Variants in TTC6 observed in about 807,000 individuals in gnomAD.
TTC6 encodes tetratricopeptide repeat domain 6, also known as tetratricopeptide repeat protein 6.
Under a neutral mutation model 210.4 loss-of-function variants are expected in TTC6, and 172 were observed. The observed-to-expected ratio is 0.82, with a 90% CI of 0.72 to 0.93. The LOEUF (loss-of-function observed/expected upper bound fraction) is 0.93. TTC6 is among the 40% of genes least tolerant of loss of function. TTC6 has a pLI of 0.00. For synonymous variants in TTC6, 804 were observed against 819.6 expected (o/e 0.98, Z 0.32); for missense variants, 2,414 against 2,318.1 (o/e 1.04, Z -0.85).
At chr14:37,724,457 A>G (rs1160761973) in intron 6 of TTC6, among the ~76,000 whole-genome samples, 5 of 152,108 alleles carry the variant, frequency 3.3e-5, no homozygotes, top group South Asian at 2.1e-4. Context: ...AGTGTGTTTT[A>G]TAGTGTTTAT....
chr14:37,669,722 A>T (rs867692163), intron 1 of TTC6, among the ~76,000 whole-genome samples: 3 of 152,158 alleles, frequency 2.0e-5, no homozygotes, highest in Non-Finnish European at 2.9e-5. Context: ...TGGAGGCAAG[A>T]TTATTTATCT....
chr14:37,833,685 T>C (rs1159384104), intron 29 of TTC6, among the ~76,000 whole-genome samples: 1 of 152,196 alleles, frequency 6.6e-6, no homozygotes, highest in Non-Finnish European at 1.5e-5. Flanking sequence ...TTTTTCTTTC[T>C]TATTGCTTAT....
chr14:37,715,519 A>G (rs1707880803), intron 6 of TTC6, among the ~76,000 whole-genome samples: 1 of 152,180 alleles, frequency 6.6e-6, no homozygotes, highest in Non-Finnish European at 1.5e-5. Flanking sequence ...CTATATTAAT[A>G]TCAGATAAGA....
intron 1 of TTC6, among the ~76,000 whole-genome samples, chr14:37,668,023 T>C (rs912483269): frequency 6.7e-6 from 1 of 149,928 alleles, no homozygotes; most frequent in African/African-American, 2.4e-5. Flanking sequence ...TAGTCCCAGC[T>C]ACTTGGGAGG....
exon 23 of TTC6, chr14:37,807,420 G>C (rs925186353): frequency 2.0e-6 from 3 of 1,529,750 alleles, no homozygotes; most frequent in East Asian, 2.4e-5. Flanking sequence ...GAAAGCGTAC[G>C]TGCCTATCTC....
chr14:37,770,071 G>A (rs1228637063), intron 14 of TTC6, among the ~76,000 whole-genome samples: 20 of 152,088 alleles, frequency 1.3e-4, no homozygotes, highest in African/African-American at 2.2e-4. Flanking sequence ...CCCAGTAGTC[G>A]TTCAGGAGCA....
chr14:37,637,912 A>G (rs1169876874), intron 1 of TTC6, among the ~76,000 whole-genome samples: 1 of 152,238 alleles, frequency 6.6e-6, no homozygotes, highest in Non-Finnish European at 1.5e-5. Flanking sequence ...GCCACTCTGG[A>G]AAACAGTTTG....
intron 1 of TTC6, among the ~76,000 whole-genome samples, chr14:37,660,735 T>C (rs937626074): frequency 5.3e-5 from 8 of 152,230 alleles, no homozygotes; most frequent in African/African-American, 1.4e-4. Context: ...TCAAATGGTA[T>C]TTCTGGTTCT....
chr14:37,752,551 TC>T (rs2139043743), intron 13 of TTC6, among the ~76,000 whole-genome samples: 1 of 151,998 alleles, frequency 6.6e-6, no homozygotes, highest in African/African-American at 2.4e-5. Flanking sequence ...TTTGGTCATC[TC>T]CTTTGTGTTT....
intron 5 of TTC6, among the ~76,000 whole-genome samples, chr14:37,709,118 G>A (rs1448547521): frequency 6.6e-6 from 1 of 151,902 alleles, no homozygotes; most frequent in Non-Finnish European, 1.5e-5. Flanking sequence ...ATTTCTCAAT[G>A]ATCAGGTCTA....
rs150352427 is a variant in TTC6, at chr14:37,686,866, G to T, written c.1257+3902G>T. Among the ~76,000 whole-genome samples the T allele has an allele frequency of 9.5e-3, 1,453 of 152,264 alleles. 34 individuals are homozygous for T. The highest frequency in any genetic ancestry group is 0.033 in the African/African-American group (1,383 of 41,554). ...AGCTACAATTCAAGATGAGATTTGG[G>T]TGGGGACAAAGTCAAACCATATCAG... is the stretch of plus-strand genomic sequence containing the variant. On this transcript the variant is annotated intron_variant, in intron 3 of 30. Transcript: ENST00000553443.
chr14:37,832,329 C>CTCTTTTT (rs1345548923), intron 29 of TTC6, among the ~76,000 whole-genome samples: 4 of 68,908 alleles, frequency 5.8e-5, no homozygotes, highest in African/African-American at 2.2e-4. Flanking sequence ...TTCTTTCTCT[C>CTCTTTTT]TTTTTTTTTT....
intron 10 of TTC6, among the ~76,000 whole-genome samples, chr14:37,741,788 A>C (rs2095920615): frequency 6.6e-6 from 1 of 152,006 alleles, no homozygotes; most frequent in African/African-American, 2.4e-5. Context: ...GAGCCATCTC[A>C]CCCAGATTCA....
intron 29 of TTC6, among the ~76,000 whole-genome samples, chr14:37,838,221 A>G (rs2096202374): frequency 6.6e-6 from 1 of 152,204 alleles, no homozygotes; most frequent in Non-Finnish European, 1.5e-5. Context: ...TCAGCATCTC[A>G]ACTATTTGTG....
At chr14:37,640,985 T>C (rs2095690808) in intron 1 of TTC6, among the ~76,000 whole-genome samples, 1 of 152,214 alleles carries the variant, frequency 6.6e-6, no homozygotes, top group Non-Finnish European at 1.5e-5. Context: ...ACATTGTAGA[T>C]TGTTAGTCTA....
At chr14:37,685,954 C>A (rs989490057) in intron 3 of TTC6, among the ~76,000 whole-genome samples, 2 of 152,076 alleles carry the variant, frequency 1.3e-5, no homozygotes, top group Admixed American at 1.3e-4. Flanking sequence ...TGTTTGAACC[C>A]TTCTAAAAGG....
At chr14:37,771,299 A>G (rs899401440) in intron 14 of TTC6, among the ~76,000 whole-genome samples, 34 of 151,984 alleles carry the variant, frequency 2.2e-4, no homozygotes, top group African/African-American at 5.5e-4. Context: ...TGCTCTTCTC[A>G]AGGAGTATCT....
chr14:37,687,143 G>A (rs2095795578), intron 3 of TTC6, among the ~76,000 whole-genome samples: 1 of 152,248 alleles, frequency 6.6e-6, no homozygotes, highest in Middle Eastern at 3.4e-3. Flanking sequence ...CAGCAGAGGG[G>A]TGGTGCAGAG....
intron 14 of TTC6, among the ~76,000 whole-genome samples, chr14:37,755,479 C>A (rs1325182514): frequency 6.6e-6 from 1 of 152,138 alleles, no homozygotes; most frequent in Non-Finnish European, 1.5e-5. Flanking sequence ...ATGGCATTGC[C>A]TAAGTTTTCT....
Sources: allele counts gnomAD v4.1 joint callset (sites outside exome capture counted in the v4.1 genomes callset), GRCh38; gene constraint gnomAD v4.1.1; transcripts MANE v1.5; gene names NCBI Gene and HGNC (gene_info 2026-07-23, HGNC 2026-07-21).